MYO9B: variants seen among roughly 807,000 people sequenced by gnomAD.
The protein encoded by MYO9B is unconventional myosin-IXb.
MYO9B carries 71 observed loss-of-function variants against 229.5 expected under a neutral mutation model. That is an observed-to-expected ratio of 0.31 (90% CI 0.26 to 0.38). The LOEUF is 0.38. MYO9B is among the 10% of genes least tolerant of loss of function. MYO9B has a pLI of 1.00. For synonymous variants in MYO9B, 1,185 were observed against 1,235.8 expected (o/e 0.96, Z 0.86); for missense variants, 2,255 against 2,920.5 (o/e 0.77, Z 5.25).
Position 17,096,690 on chromosome 19 carries a change from GTT to G in MYO9B, c.-58-4969_-58-4968del, listed in dbSNP as rs1491038910. Among the ~76,000 whole-genome samples the G allele has an allele frequency of 5.5e-4, 61 of 111,482 alleles. 1 individual carries two copies. The highest frequency in any genetic ancestry group is 5.0e-3 in the South Asian group (14 of 2,794). The allele number at this position is 111,482 out of a possible 152,430, so 73.1% of individuals were successfully genotyped here. A position where few individuals can be genotyped will look rare whatever the true frequency, so the allele number is the denominator to read the frequency against. ...TGTTGTTGTTGTTGTTGTTGTTGTT[GTT>G]GTTGTTGTTGTTGGTTTTTTTTTTT... is the stretch of plus-strand genomic sequence containing the variant. On this transcript the variant is annotated intron_variant, in intron 1 of 39. Transcript: ENST00000682292.
At chr19:17,185,880 G>T in intron 17 of MYO9B, 41 bp from the exon 18 acceptor site, 2 of 1,539,262 alleles carry the variant, frequency 1.3e-6, no homozygotes, top group Non-Finnish European at 1.8e-6. Flanking sequence ...GGCTGTCAGG[G>T]TCCCTGATTC....
chr19:17,195,410 T>G lies in MYO9B; in HGVS notation c.3983T>G (p.Leu1328Arg). 1 of 1,608,806 alleles carries G rather than the reference T, an allele frequency of 6.2e-7. No individual in the cohort carries two copies. The highest frequency in any genetic ancestry group is 1.3e-5 in the African/African-American group (1 of 74,982). ...GCCGCCGCCAGCCCTAGTGCCATGC[T>G]CAGCCAGTCCCTGGACCTCAGCGAC... ...LVAAASPSAM[L>R]SQSLDLSDRH... Residue 1328 changes from leucine (L) to arginine (R), a missense_variant, in exon 22 of 40, where the codon CTC (leucine) becomes CGC (arginine). By Grantham distance (102) the Leu-to-Arg change is moderately radical. Transcript: ENST00000682292. The surrounding 1 kb of genome is among the most constrained non-coding windows in gnomAD (Gnocchi z 4.5).
chr19:17,188,337 G>A (rs3826692), intron 19 of MYO9B, among the ~76,000 whole-genome samples: 67,994 of 150,656 alleles, frequency 0.45, 16,153 homozygotes, highest in East Asian at 0.74. Context: ...GCTGAGGCAG[G>A]AGGATCCCTT....
chr19:17,201,881 T>C, intron 26 of MYO9B, 45 bp from the exon 27 acceptor site: 1 of 1,480,898 alleles, frequency 6.8e-7, no homozygotes, highest in Non-Finnish European at 9.4e-7. Context: ...GGTACGCAGG[T>C]CCCCAGGCCT....
chr19:17,133,269 CA>C (rs1435057201), intron 2 of MYO9B, among the ~76,000 whole-genome samples: 1 of 152,190 alleles, frequency 6.6e-6, no homozygotes, highest in Non-Finnish European at 1.5e-5. Flanking sequence ...CTGACATACT[CA>C]ACATGTTTTG....
At chr19:17,167,301 CT>C (rs140399856) in intron 10 of MYO9B, among the ~76,000 whole-genome samples, 4,637 of 149,640 alleles carry the variant, frequency 0.031, 240 homozygotes, top group African/African-American at 0.11. Flanking sequence ...GTATTTTTTA[CT>C]TTTTATTTTT....
chr19:17,197,234 A>C (rs1016400029), intron 22 of MYO9B, among the ~76,000 whole-genome samples: 3 of 151,282 alleles, frequency 2.0e-5, no homozygotes, highest in Non-Finnish European at 1.5e-5. Context: ...CCGAGATCAC[A>C]CCATTGCACT....
intron 1 of MYO9B, among the ~76,000 whole-genome samples, chr19:17,100,227 A>G (rs1043404230): frequency 6.6e-6 from 1 of 150,552 alleles, no homozygotes; most frequent in Non-Finnish European, 1.5e-5. Flanking sequence ...CCCAGCACTT[A>G]GGGAAGTCGA....
Position 17,203,242 on chromosome 19 carries a change from G to T in MYO9B, c.4974G>T (p.Lys1658Asn), listed in dbSNP as rs1416104278. Residue 1658 changes from lysine to asparagine, a missense_variant, in exon 30 of 40, where the codon AAG (lysine) becomes AAT (asparagine). Physicochemically the swap from Lys to Asn is moderately conservative, Grantham distance 94. This residue lies in a region of MYO9B where 416 missense variants were observed against 605.5 expected (regional missense o/e 0.69). Coordinates refer to ENST00000682292, the MANE Select transcript of MYO9B (RefSeq NM_004145.4). The stretch of plus-strand genomic sequence containing the variant: ...TCTCCTATATCTGGCTCATGGACAA[G>T]GCCCTGCTCTGCAGCGGTGAGTGGC... ...QCLSYIWLMD[K>N]ALLCSVCKMT... The T allele has an allele frequency of 6.4e-7, 1 of 1,559,492 alleles. No individual in the cohort carries two copies. The highest frequency in any genetic ancestry group is 8.7e-7 in the Non-Finnish European group (1 of 1,151,358).
chr19:17,092,426 C>T (rs753599186), intron 1 of MYO9B, among the ~76,000 whole-genome samples: 7 of 152,140 alleles, frequency 4.6e-5, no homozygotes, highest in South Asian at 2.1e-4. Flanking sequence ...GTTTTGTGTA[C>T]AAGCATATAC....
chr19:17,141,583 A>G (rs1028695819), intron 2 of MYO9B, among the ~76,000 whole-genome samples: 2 of 152,124 alleles, frequency 1.3e-5, no homozygotes. Flanking sequence ...TCCTAAACGA[A>G]AGAGCCCCCA....
chr19:17,212,391 C>CTA lies in MYO9B; in HGVS notation c.*81_*82insTA. On this transcript the variant is annotated 3_prime_UTR_variant, in exon 40 of 40. Transcript: ENST00000682292. The surrounding 1 kb of genome is among the most constrained non-coding windows in gnomAD (Gnocchi z 5.4). ...GCGCCAGAGCTGCAGAGCTAGTGTT[C>CTA]GGCCCTCAGAGAAGGATCCAGAATC... The CTA allele has an allele frequency of 2.2e-6, 3 of 1,376,128 alleles. No homozygotes were observed. The South Asian group carries it at 4.7e-5, about 22-fold the overall frequency. 85.2% of individuals were successfully genotyped at this position (1,376,128 alleles called of 1,614,324 possible).
intron 7 of MYO9B, among the ~76,000 whole-genome samples, chr19:17,158,537 G>T (rs747798329): frequency 9.4e-4 from 143 of 152,060 alleles, no homozygotes; most frequent in Non-Finnish European, 1.8e-3. Context: ...AGAGGTTGCA[G>T]TGAGCCAAGA....
chr19:17,177,453 C>G (rs1225060631), intron 14 of MYO9B: 3 of 151,842 alleles, frequency 2.0e-5, no homozygotes, highest in African/African-American at 7.3e-5. Context: ...TCAAGCAATC[C>G]CCCCACCTCA....
chr19:17,091,667 G>A (rs1188220674), intron 1 of MYO9B, among the ~76,000 whole-genome samples: 1 of 152,140 alleles, frequency 6.6e-6, no homozygotes, highest in Non-Finnish European at 1.5e-5. Flanking sequence ...GGACCAGGCC[G>A]ATGAGCCTTG....
intron 2 of MYO9B, among the ~76,000 whole-genome samples, chr19:17,136,644 G>A (rs1225968641): frequency 6.6e-6 from 1 of 152,058 alleles, no homozygotes; most frequent in East Asian, 1.9e-4. Flanking sequence ...ACACCGTGTA[G>A]TGCACAGGAC....
intron 2 of MYO9B, among the ~76,000 whole-genome samples, chr19:17,109,031 A>T (rs1189811903): frequency 4.6e-5 from 6 of 130,968 alleles, no homozygotes; most frequent in African/African-American, 1.7e-4. Context: ...CTTTTTTTTA[A>T]TTTTATTTAT....
chr19:17,187,716 G>C (rs975311773), intron 18 of MYO9B, among the ~76,000 whole-genome samples: 1 of 152,068 alleles, frequency 6.6e-6, no homozygotes, highest in African/African-American at 2.4e-5. Flanking sequence ...CGGACCCCTT[G>C]TCCAGGTGCT....
intron 2 of MYO9B, among the ~76,000 whole-genome samples, chr19:17,135,222 A>T (rs2072254128): frequency 6.6e-6 from 1 of 152,192 alleles, no homozygotes; most frequent in Non-Finnish European, 1.5e-5. Flanking sequence ...ATTTTTTTCC[A>T]AAGTTTACAA....
Sources: gnomAD v4.1 joint callset for allele counts (sites outside exome capture counted in the v4.1 genomes callset) on GRCh38, gnomAD v4.1.1 for gene constraint, gnomAD v4.1.1 regional missense constraint, Gnocchi (gnomAD v3.1) non-coding constraint, MANE v1.5 for transcripts, NCBI Gene and HGNC (gene_info 2026-07-23, HGNC 2026-07-21) for gene names.